Variants in SNAP47 observed in about 807,000 individuals in gnomAD.
The protein encoded by SNAP47 is synaptosome associated protein 47.
SNAP47 carries 20 observed loss-of-function variants against 31.4 expected under a neutral mutation model. That is an observed-to-expected ratio of 0.64 (90% CI 0.45 to 0.93). The LOEUF (loss-of-function observed/expected upper bound fraction) is 0.93. SNAP47 is among the 40% of genes least tolerant of loss of function. SNAP47 has a pLI of 0.00. For missense variants in SNAP47, 492 were observed against 528.5 expected (o/e 0.93, Z 0.68); for synonymous variants, 194 against 213.4 (o/e 0.91, Z 0.79).
At chr1:227,734,204 G>A (rs1660893856), upstream of SNAP47, 6 of 703,382 alleles carry the variant, frequency 8.5e-6, no homozygotes, top group Admixed American at 8.9e-5. Flanking sequence ...GGGGGAGGGG[G>A]CGGGGCAGTC....
chr1:227,734,883 G>C (rs539873557), upstream of SNAP47: 33 of 1,596,488 alleles, frequency 2.1e-5, no homozygotes, highest in African/African-American at 3.9e-4. Context: ...CGTCTGCAGA[G>C]GAACTCTCCA....
chr1:227,775,983 G>A (rs964325724), intron 4 of SNAP47: 1 of 1,257,660 alleles, frequency 8.0e-7, no homozygotes, highest in South Asian at 1.3e-5. Context: ...TCACGGATGT[G>A]TTGGAGGAAA....
chr1:227,766,377 C>T (rs1217350022), intron 3 of SNAP47, among the ~76,000 whole-genome samples: 1 of 152,252 alleles, frequency 6.6e-6, no homozygotes, highest in Non-Finnish European at 1.5e-5. Flanking sequence ...CTGCAGGAGG[C>T]ACACTGGGCC....
chr1:227,732,025 A>G, upstream of SNAP47: 2 of 307,666 alleles, frequency 6.5e-6, no homozygotes, highest in Non-Finnish European at 1.2e-5. Flanking sequence ...CAATGGCCTG[A>G]GACGAGGGGA....
chr1:227,756,533 T>G (rs1489775028), intron 2 of SNAP47, among the ~76,000 whole-genome samples: 1 of 152,220 alleles, frequency 6.6e-6, no homozygotes, highest in Non-Finnish European at 1.5e-5. Context: ...GCCCCGGCCA[T>G]TTAGATCAGG....
rs569678229 is a variant in SNAP47, at chr1:227,773,029, C to T, written c.1113+5946C>T. On this transcript the variant is annotated intron_variant, in intron 4 of 4. Coordinates refer to ENST00000617596, the MANE Select transcript of SNAP47 (RefSeq NM_053052.4). ...AGGCTGGAGTGCAGTGGCATGATCTCGGTTCACTGCAATCTCCGCCTCCCA... is the reference window on the plus strand; with the variant it reads ...AGGCTGGAGTGCAGTGGCATGATCTTGGTTCACTGCAATCTCCGCCTCCCA... 2.4e-4 allele frequency among the ~76,000 whole-genome samples: 36 copies of T among 152,050 alleles called. 1 individual carries two copies. The South Asian group carries it at 7.5e-3, about 32-fold the overall frequency.
upstream of SNAP47, chr1:227,733,141 G>T: frequency 8.3e-7 from 1 of 1,207,548 alleles, no homozygotes; most frequent in Non-Finnish European, 1.2e-6. Context: ...AGCCAAGAGG[G>T]CCCTCCTGTC....
upstream of SNAP47, chr1:227,733,571 C>T (rs759885709): frequency 3.2e-5 from 52 of 1,606,020 alleles, 1 homozygote; most frequent in East Asian, 5.1e-4. Flanking sequence ...GTTGCCGTGG[C>T]GGTCCCGCAG....
intron 2 of SNAP47, among the ~76,000 whole-genome samples, chr1:227,751,753 T>TG: frequency 1.8e-5 from 1 of 56,170 alleles, no homozygotes; most frequent in East Asian, 5.7e-4. Flanking sequence ...GGTTTTTTTT[T>TG]TTTTTTTTTT....
rs1663102829 is a variant in SNAP47 at position 227,762,144 on chromosome 1, A to G, written c.988+2659A>G. ...TTGCCATGTGGCACACACAGCACAC[A>G]GTCCCACAGGGACCTGCTGCATGTG... On this transcript the variant is annotated intron_variant, in intron 3 of 4. Transcript: ENST00000617596. This position sits in a 1 kb window ranked among gnomAD's most constrained non-coding sequence, Gnocchi z 4.2. Among the ~76,000 whole-genome samples, 1 of 152,240 alleles carries G rather than the reference A, an allele frequency of 6.6e-6. No individual in the cohort carries two copies. The highest frequency in any genetic ancestry group is 2.4e-5 in the African/African-American group (1 of 41,470).
chr1:227,760,454 G>A (rs113034524), intron 3 of SNAP47, among the ~76,000 whole-genome samples: 2,837 of 152,298 alleles, frequency 0.019, 95 homozygotes, highest in African/African-American at 0.064. Context: ...GAGTGGCCAT[G>A]GTACCTTCCC....
chr1:227,774,259 G>C (rs1664022228), intron 4 of SNAP47, among the ~76,000 whole-genome samples: 1 of 152,236 alleles, frequency 6.6e-6, no homozygotes, highest in Non-Finnish European at 1.5e-5. Flanking sequence ...CTGCTTAGCT[G>C]TTCTGTTCAT....
At chr1:227,751,743 GGTTTT>G (rs1662369824) in intron 2 of SNAP47, among the ~76,000 whole-genome samples, 1 of 110,528 alleles carries the variant, frequency 9.0e-6, no homozygotes, top group Non-Finnish European at 1.9e-5. Context: ...ATAAAGACTT[GGTTTT>G]TTTTTTTTTT....
At chr1:227,751,755 T>TG (rs1662376613) in intron 2 of SNAP47, among the ~76,000 whole-genome samples, 1 of 58,580 alleles carries the variant, frequency 1.7e-5, no homozygotes, top group African/African-American at 6.3e-5. Context: ...TTTTTTTTTT[T>TG]TTTTTTTTTT....
At chr1:227,779,000 C>T (rs1664309322) in intron 4 of SNAP47, among the ~76,000 whole-genome samples, 2 of 152,216 alleles carry the variant, frequency 1.3e-5, no homozygotes, top group Admixed American at 1.3e-4. Flanking sequence ...TCACCTCTGC[C>T]GTGTGCCTGT....
upstream of SNAP47, chr1:227,735,101 G>A (rs552801369): frequency 1.9e-6 from 3 of 1,574,798 alleles, no homozygotes; most frequent in South Asian, 2.3e-5. Context: ...GAAGGCGCTG[G>A]AAAACACGCA....
chr1:227,755,715 C>T (rs2102943101), intron 2 of SNAP47, among the ~76,000 whole-genome samples: 1 of 152,266 alleles, frequency 6.6e-6, no homozygotes, highest in South Asian at 2.1e-4. Context: ...GAGATGGAGT[C>T]TCACTTTGTG....
chr1:227,772,770 CTG>C (rs1198332010), intron 4 of SNAP47, among the ~76,000 whole-genome samples: 1 of 152,194 alleles, frequency 6.6e-6, no homozygotes, highest in Non-Finnish European at 1.5e-5. Flanking sequence ...ATTTATTCTT[CTG>C]TGTGTCCAGA....
chr1:227,744,540 T>C (rs963497661), intron 1 of SNAP47, among the ~76,000 whole-genome samples: 1 of 152,002 alleles, frequency 6.6e-6, no homozygotes, highest in African/African-American at 2.4e-5. Context: ...AAGTGAAGTT[T>C]CCTCCCCCTC....
Sources: gnomAD v4.1 joint callset for allele counts (sites outside exome capture counted in the v4.1 genomes callset) on GRCh38, gnomAD v4.1.1 for gene constraint, Gnocchi (gnomAD v3.1) non-coding constraint, MANE v1.5 for transcripts, NCBI Gene and HGNC (gene_info 2026-07-23, HGNC 2026-07-21) for gene names.